Variants in PCDHGA10 observed in about 807,000 individuals in gnomAD.
PCDHGA10 encodes protocadherin gamma subfamily A, 10.
In PCDHGA10, 42 loss-of-function variants were observed where a neutral mutation model predicts 59.5. The ratio of observed to expected loss-of-function variants is 0.71; its 90% CI spans 0.55 to 0.91. The LOEUF (loss-of-function observed/expected upper bound fraction) is 0.91, where lower values mean the gene tolerates loss of function less well. Among genes scored for constraint, PCDHGA10 ranks in the 40% least tolerant of loss-of-function variants. PCDHGA10 has a pLI of 0.00. For synonymous variants in PCDHGA10, 511 were observed against 517.2 expected (o/e 0.99, Z 0.16); for missense variants, 1,111 against 1,198.2 (o/e 0.93, Z 1.07).
rs1284989963 is a variant in PCDHGA10 at position 141,419,134 on chromosome 5, A to T, written c.2436+3523A>T. On this transcript the variant is annotated intron_variant, in intron 1 of 3. Transcript: ENST00000398610. ...AGTACAACGTCACCATCGCAGCCAC[A>T]GACAGGGGCAAGCCTCCGTTATCCT... is the stretch of plus-strand genomic sequence containing the variant. 2.5e-6 allele frequency: 4 copies of T among 1,613,826 alleles called. No individual in the cohort carries two copies. In the African/African-American group the frequency reaches 5.3e-5, roughly 22 times the overall value.
chr5:141,428,057 G>C (rs766786963), intron 1 of PCDHGA10: 2 of 1,609,044 alleles, frequency 1.2e-6, no homozygotes, highest in East Asian at 2.2e-5. Flanking sequence ...AGGTGGTGGC[G>C]GTGGACGCAG....
chr5:141,433,906 A>G (rs1218318743), intron 1 of PCDHGA10, among the ~76,000 whole-genome samples: 1 of 151,412 alleles, frequency 6.6e-6, no homozygotes, highest in Non-Finnish European at 1.5e-5. Flanking sequence ...ATCACTTATT[A>G]CAATCACCTC....
intron 1 of PCDHGA10, chr5:141,422,354 A>G: frequency 6.4e-7 from 1 of 1,557,090 alleles, no homozygotes; most frequent in Non-Finnish European, 8.6e-7. Flanking sequence ...CAAGATCAAG[A>G]TTCTGGAGAA....
rs2099385215 is a variant in PCDHGA10 at position 141,476,099 on chromosome 5, G to A, written c.2437-18708G>A. On this transcript the variant is annotated intron_variant, in intron 1 of 3. Coordinates refer to ENST00000398610, the MANE Select transcript of PCDHGA10 (RefSeq NM_018913.3). This position sits in a 1 kb window ranked among gnomAD's most constrained non-coding sequence, Gnocchi z 7.6. ...GGGACGATCTGGACCCCGCTGAGAGGAACTGCTTTTGAGTGAGATGGTCCC... is the reference window on the plus strand; with the variant it reads ...GGGACGATCTGGACCCCGCTGAGAGAAACTGCTTTTGAGTGAGATGGTCCC... 1 of 1,574,916 alleles carries A rather than the reference G, an allele frequency of 6.3e-7. No individual in the cohort carries two copies.
intron 1 of PCDHGA10, chr5:141,424,024 C>T: frequency 9.6e-7 from 1 of 1,045,488 alleles, no homozygotes; most frequent in Non-Finnish European, 1.2e-6. Flanking sequence ...GATTCACAAA[C>T]ACTTTTTATT....
chr5:141,465,893 C>A (rs926928579), intron 1 of PCDHGA10, among the ~76,000 whole-genome samples: 1 of 151,962 alleles, frequency 6.6e-6, no homozygotes, highest in Non-Finnish European at 1.5e-5. Context: ...GAGGCCGAGG[C>A]GGGCAAATCA....
At chr5:141,482,457 C>T (rs1279922250) in intron 1 of PCDHGA10, among the ~76,000 whole-genome samples, 3 of 147,484 alleles carry the variant, frequency 2.0e-5, no homozygotes, top group Non-Finnish European at 3.0e-5. Context: ...TATTAGCATC[C>T]CTATGTGCCA....
rs376452870 is a variant in PCDHGA10 at position 141,423,273 on chromosome 5, G to A, written c.2436+7662G>A. 34 of 1,613,778 alleles carry A rather than the reference G, an allele frequency of 2.1e-5. No homozygotes were observed. In the African/African-American group the frequency reaches 4.4e-4, roughly 21 times the overall value. Reference sequence around the variant, plus strand: ...CGGACCTCGGCAGCCTCGAGTCTCTGGCTAACTCTGAAACCTCAGACCTCT... The same window carrying A: ...CGGACCTCGGCAGCCTCGAGTCTCTAGCTAACTCTGAAACCTCAGACCTCT... On this transcript the variant is annotated intron_variant, in intron 1 of 3. Coordinates refer to ENST00000398610, the MANE Select transcript of PCDHGA10 (RefSeq NM_018913.3).
rs1454395834 is a variant in PCDHGA10, at chr5:141,413,223, G to A, written c.48G>A (p.Gly16=). The stretch of plus-strand genomic sequence containing the variant: ...CAAAGGAATCAAAGGATTGCAGCGG[G>A]CTGGTCCTGCTCTGCCTTTTCTTCG... The part of the protein sequence containing the change: ...NRSKESKDCS[G]LVLLCLFFGI... Residue 16 remains glycine (G), a synonymous_variant, in exon 1 of 4, where the codon GGG becomes GGA. Transcript: ENST00000398610. 4 of 1,613,694 alleles carry A rather than the reference G, an allele frequency of 2.5e-6. No individual in the cohort carries two copies. In the African/African-American group the frequency reaches 4.0e-5, roughly 16 times the overall value.
chr5:141,431,364 G>A lies in PCDHGA10; in HGVS notation c.2436+15753G>A. 1 of 1,614,010 alleles carries A rather than the reference G, an allele frequency of 6.2e-7. No homozygotes were observed. The highest frequency in any genetic ancestry group is 8.5e-7 in the Non-Finnish European group (1 of 1,180,022). On this transcript the variant is annotated intron_variant, in intron 1 of 3. Coordinates refer to ENST00000398610, the MANE Select transcript of PCDHGA10 (RefSeq NM_018913.3). This position sits in a 1 kb window ranked among gnomAD's most constrained non-coding sequence, Gnocchi z 4.8. ...TTGGTGCTGAAACGCGCCCTGGACCGCGAAGAAAAGGCTGCTCACCACCTG... is the reference window on the plus strand; with the variant it reads ...TTGGTGCTGAAACGCGCCCTGGACCACGAAGAAAAGGCTGCTCACCACCTG...
Position 141,423,275 on chromosome 5 carries a change from C to T in PCDHGA10, c.2436+7664C>T. 1.2e-6 allele frequency: 2 copies of T among 1,614,012 alleles called. No homozygotes were observed. The highest frequency in any genetic ancestry group is 1.7e-6 in the Non-Finnish European group (2 of 1,179,970). ...GACCTCGGCAGCCTCGAGTCTCTGGCTAACTCTGAAACCTCAGACCTCTCG... is the reference window on the plus strand; with the variant it reads ...GACCTCGGCAGCCTCGAGTCTCTGGTTAACTCTGAAACCTCAGACCTCTCG... On this transcript the variant is annotated intron_variant, in intron 1 of 3. Transcript: ENST00000398610.
At chr5:141,495,269 CGGAGGAGGCG>C (rs2099759953) in intron 2 of PCDHGA10, among the ~76,000 whole-genome samples, 1 of 152,180 alleles carries the variant, frequency 6.6e-6, no homozygotes, top group Non-Finnish European at 1.5e-5. Context: ...AGCATTTGAC[CGGAGGAGGCG>C]GTCCGCACTC....
chr5:141,510,959 G>A lies in PCDHGA10; in HGVS notation c.2597G>A (p.Gly866Glu). 6.2e-7 allele frequency: 1 copy of A among 1,614,110 alleles called. No individual in the cohort carries two copies. Among genetic ancestry groups the A allele is most frequent in the Non-Finnish European group, 8.5e-7 (1 of 1,180,012 alleles). Residue 866 changes from glycine to glutamate, a missense_variant, in exon 4 of 4, where the codon GGG becomes GAG. Coordinates refer to ENST00000398610, the MANE Select transcript of PCDHGA10 (RefSeq NM_018913.3). ...TCTGTCTCTGCAGAAGCTGCTGATG[G>A]GAGCTCCACCCTGGGAGGGGGTGCC... ...ILASASEAADGSSTLGGGAGT... is the reference protein window; with the variant it reads ...ILASASEAADESSTLGGGAGT...
intron 1 of PCDHGA10, chr5:141,419,206 G>A: frequency 1.9e-6 from 3 of 1,613,876 alleles, no homozygotes; most frequent in Non-Finnish European, 1.7e-6. Flanking sequence ...ATGACAACGC[G>A]CCGGTTTTCG....
chr5:141,415,649 A>G (rs1179309556), intron 1 of PCDHGA10, 38 bp downstream of exon 1: 1 of 1,597,606 alleles, frequency 6.3e-7, no homozygotes, highest in Non-Finnish European at 8.5e-7. Context: ...GTTAAAAAAA[A>G]AAAGATTGGT....
Position 141,491,902 on chromosome 5 carries a change from G to C in PCDHGA10, c.2437-2905G>C. On this transcript the variant is annotated intron_variant, in intron 1 of 3. Transcript: ENST00000398610. This position sits in a 1 kb window ranked among gnomAD's most constrained non-coding sequence, Gnocchi z 6.9. ...AGGGATGGGGCTCCGAGCACCGGGG[G>C]TGGTGGCGACTGTGGGCGAGGGGAG... 7.0e-7 allele frequency: 1 copy of C among 1,429,002 alleles called. No individual in the cohort carries two copies. Among genetic ancestry groups the C allele is most frequent in the Non-Finnish European group, 9.3e-7 (1 of 1,079,426 alleles). The allele number at this position is 1,429,002 out of a possible 1,614,324, so 88.5% of individuals were successfully genotyped here. A position where few individuals can be genotyped will look rare whatever the true frequency, so the allele number is the denominator to read the frequency against.
chr5:141,444,152 ATTTTTTTTTTTTTT>A (rs747671382), intron 1 of PCDHGA10, among the ~76,000 whole-genome samples: 241 of 33,882 alleles, frequency 7.1e-3, no homozygotes, highest in African/African-American at 0.019. Flanking sequence ...TGTGTACTGG[ATTTTTTTTTTTTTT>A]TTTTTTTTTT....
Position 141,490,320 on chromosome 5 carries a change from A to G in PCDHGA10, c.2437-4487A>G. The G allele has an allele frequency of 6.2e-7, 1 of 1,614,228 alleles. No individual in the cohort carries two copies. The highest frequency in any genetic ancestry group is 1.1e-5 in the South Asian group (1 of 91,088). ...TGGCCTCTTTGGCCAACCCTGTCCT[A>G]GAGAGCACACCAGTGGGCACAGTAG... On this transcript the variant is annotated intron_variant, in intron 1 of 3. Transcript: ENST00000398610. The surrounding 1 kb of genome is among the most constrained non-coding windows in gnomAD (Gnocchi z 5.4).
At chr5:141,469,373 G>A (rs532041259) in intron 1 of PCDHGA10, among the ~76,000 whole-genome samples, 3 of 151,992 alleles carry the variant, frequency 2.0e-5, no homozygotes, top group South Asian at 2.1e-4. Context: ...TAAAGAGATC[G>A]AGACCATCCT....
Sources: allele counts gnomAD v4.1 joint callset (sites outside exome capture counted in the v4.1 genomes callset), GRCh38; gene constraint gnomAD v4.1.1; non-coding constraint Gnocchi (gnomAD v3.1); transcripts MANE v1.5; gene names NCBI Gene and HGNC (gene_info 2026-07-23, HGNC 2026-07-21).